The following CYB5R4 variants were observed in gnomAD, a reference collection of about 807,000 sequenced individuals.
CYB5R4 encodes the protein N-terminal cytochrome b5 and cytochrome b5 oxidoreductase domain-containing protein.
CYB5R4 carries 55 observed loss-of-function variants against 70.2 expected under a neutral mutation model. That is an observed-to-expected ratio of 0.78 (90% confidence interval 0.63 to 0.98). The LOEUF (loss-of-function observed/expected upper bound fraction) is 0.98, where lower values mean the gene tolerates loss of function less well. Among genes scored for constraint, CYB5R4 ranks in the 50% least tolerant of loss-of-function variants. CYB5R4 has a pLI of 0.00. For synonymous variants in CYB5R4, 197 were observed against 199.5 expected (o/e 0.99, Z 0.11); for missense variants, 562 against 612.6 (o/e 0.92, Z 0.87).
chr6:83,909,096 T>C lies in CYB5R4; in HGVS notation c.412+6T>C. 1 of 1,612,616 alleles carries C rather than the reference T, an allele frequency of 6.2e-7. No individual in the cohort carries two copies. Among genetic ancestry groups the C allele is most frequent in the South Asian group, 1.1e-5 (1 of 91,022 alleles). Reference sequence around the variant, plus strand: ...TAAACCTGCTGTTCTGAAAGGTAAGTGGTGCTGGTGCTAAACCAGCATGGA... The same window carrying C: ...TAAACCTGCTGTTCTGAAAGGTAAGCGGTGCTGGTGCTAAACCAGCATGGA... On this transcript the variant is annotated splice_donor_region_variant and intron_variant, in intron 4 of 15. Coordinates refer to ENST00000369681, the MANE Select transcript of CYB5R4 (RefSeq NM_016230.4).
chr6:83,893,160 A>G (rs1268507673), intron 2 of CYB5R4, among the ~76,000 whole-genome samples: 2 of 152,336 alleles, frequency 1.3e-5, no homozygotes, highest in Admixed American at 6.5e-5. Flanking sequence ...AATGCAGCGC[A>G]TTAAGTGTAC....
In CYB5R4 at chr6:83,934,703, G is replaced by A; in HGVS notation, c.923G>A (p.Gly308Glu). Reference sequence around the variant, plus strand: ...AGCACTCATCTTCAAGTGCCCATTGGGCAACATGTTTACCTCAAGCTACCT... The same window carrying A: ...AGCACTCATCTTCAAGTGCCCATTGAGCAACATGTTTACCTCAAGCTACCT... ...PPSTHLQVPIGQHVYLKLPIT... is the reference protein window; with the variant it reads ...PPSTHLQVPIEQHVYLKLPIT... Residue 308 changes from glycine to glutamate, a missense_variant, in exon 11 of 16, where the codon GGG becomes GAG. Coordinates refer to ENST00000369681, the MANE Select transcript of CYB5R4 (RefSeq NM_016230.4). 6.2e-7 allele frequency: 1 copy of A among 1,613,520 alleles called. No homozygotes were observed.
At chr6:83,859,915 G>T in intron 1 of CYB5R4, 58 bp downstream of exon 1, 2 of 1,495,902 alleles carry the variant, frequency 1.3e-6, no homozygotes, top group Non-Finnish European at 1.8e-6. Flanking sequence ...CTGGCAGTGT[G>T]TTCTCTTCTT....
At chr6:83,905,849 A>G (rs1361110865) in intron 3 of CYB5R4, among the ~76,000 whole-genome samples, 2 of 151,924 alleles carry the variant, frequency 1.3e-5, no homozygotes, top group Non-Finnish European at 2.9e-5. Context: ...GGAGGCTGTT[A>G]TGGGCTGCGC....
At chr6:83,870,227 A>G (rs896964879) in intron 2 of CYB5R4, among the ~76,000 whole-genome samples, 1 of 152,238 alleles carries the variant, frequency 6.6e-6, no homozygotes, top group African/African-American at 2.4e-5. Flanking sequence ...TGCAGCATAC[A>G]GGAACCCAAC....
rs2099473097 is a variant in CYB5R4 at position 83,960,139 on chromosome 6, A to G, written c.*261A>G. 1 of 295,178 alleles carries G rather than the reference A, an allele frequency of 3.4e-6. No homozygotes were observed. Among genetic ancestry groups the G allele is most frequent in the South Asian group, 6.9e-5 (1 of 14,494 alleles). The allele number at this position is 295,178 out of a possible 1,614,324, so 18.3% of individuals were successfully genotyped here. A position where few individuals can be genotyped will look rare whatever the true frequency, so the allele number is the denominator to read the frequency against. ...ACAGGATTCTTTGTTATGAATCACA[A>G]ATTTCCTTGCCATTTAAATTATATC... On this transcript the variant is annotated 3_prime_UTR_variant, in exon 16 of 16. Coordinates refer to ENST00000369681, the MANE Select transcript of CYB5R4 (RefSeq NM_016230.4).
chr6:83,866,685 G>T (rs2099456760), intron 2 of CYB5R4, among the ~76,000 whole-genome samples: 1 of 151,546 alleles, frequency 6.6e-6, no homozygotes, highest in South Asian at 2.1e-4. Context: ...GCTTGATCTT[G>T]GCTCACAGCA....
rs1334984129 is a variant in CYB5R4 at position 83,959,835 on chromosome 6, ATC to A, written c.1526_1527del (p.Leu509GlnfsTer6). 5.0e-6 allele frequency: 8 copies of A among 1,601,124 alleles called. No individual in the cohort carries two copies. Among genetic ancestry groups the A allele is most frequent in the Non-Finnish European group, 6.8e-6 (8 of 1,174,298 alleles). On this transcript the variant is annotated frameshift_variant, in exon 16 of 16. Transcript: ENST00000369681. LOFTEE classifies it high-confidence loss of function. ...TATTTGTTTTTCAGGTTGCTGCATG[ATC>A]TCAACTTTTCCAAAAATGAGATCCA...
rs1588574545 is a variant in CYB5R4 at position 83,914,328 on chromosome 6, T to A, written c.413-88T>A. The A allele has an allele frequency of 2.2e-6, 3 of 1,357,062 alleles. No homozygotes were observed. In the East Asian group the frequency reaches 8.2e-5, roughly 37 times the overall value. The allele number at this position is 1,357,062 out of a possible 1,614,324, so 84.1% of individuals were successfully genotyped here. On this transcript the variant is annotated intron_variant, in intron 4 of 15. Transcript: ENST00000369681. ...AGAAAGCCCTTCAAAAAAGAAGGGATGTTATCTTGAAATCAGTAATGTGGA... is the reference window on the plus strand; with the variant it reads ...AGAAAGCCCTTCAAAAAAGAAGGGAAGTTATCTTGAAATCAGTAATGTGGA...
chr6:83,894,438 TTTGATTTCTGTTC>T (rs1433636716), intron 3 of CYB5R4, among the ~76,000 whole-genome samples: 5 of 152,174 alleles, frequency 3.3e-5, no homozygotes, highest in Non-Finnish European at 7.4e-5. Flanking sequence ...TCAAATATAA[TTTGATTTCTGTTC>T]TTCCTATTTT....
In CYB5R4 at chr6:83,940,016, T is replaced by G. The variant is rs200045074; in HGVS notation, c.1109-40T>G. ...GCTGGGTTTTTTGTTTTGTTTTTTG[T>G]TTTTTTTTTTTCTGATTTAGCTTAT... On this transcript the variant is annotated intron_variant, in intron 12 of 15. Coordinates refer to ENST00000369681, the MANE Select transcript of CYB5R4 (RefSeq NM_016230.4). 2.0e-3 allele frequency: 1,847 copies of G among 941,682 alleles called. No individual in the cohort carries two copies. Among genetic ancestry groups the G allele is most frequent in the Non-Finnish European group, 2.6e-3 (1,761 of 682,572 alleles). 58.3% of individuals were successfully genotyped at this position (941,682 alleles called of 1,614,324 possible). A position where few individuals can be genotyped will look rare whatever the true frequency, so the allele number is the denominator to read the frequency against.
At chr6:83,939,996 GTT>G (rs1421944041) in intron 12 of CYB5R4, 58 bp from the exon 13 acceptor site, 1 of 1,325,144 alleles carries the variant, frequency 7.5e-7, no homozygotes, top group Non-Finnish European at 1.0e-6. Context: ...TCCCCGCTGG[GTT>G]TTTTGTTTTG....
chr6:83,942,099 A>G (rs1306218336), intron 14 of CYB5R4, among the ~76,000 whole-genome samples: 2 of 152,102 alleles, frequency 1.3e-5, no homozygotes, highest in East Asian at 3.9e-4. Flanking sequence ...CCCTATGTAC[A>G]TGTTTGTTTT....
At chr6:83,925,296 C>T (rs1344793893) in intron 10 of CYB5R4, among the ~76,000 whole-genome samples, 1 of 152,014 alleles carries the variant, frequency 6.6e-6, no homozygotes, top group African/African-American at 2.4e-5. Flanking sequence ...ACGAGAACAC[C>T]ACCAAGAGGG....
intron 4 of CYB5R4, chr6:83,910,345 C>T (rs1053938877): frequency 3.0e-5 from 17 of 558,442 alleles, no homozygotes; most frequent in Non-Finnish European, 4.5e-5. Flanking sequence ...AGAAGTAAGA[C>T]GGTTACTGGT....
intron 2 of CYB5R4, among the ~76,000 whole-genome samples, chr6:83,890,004 A>G (rs61762801): frequency 0.017 from 2,656 of 152,268 alleles, 34 homozygotes; most frequent in Non-Finnish European, 0.03. Flanking sequence ...GAGGATTACA[A>G]TTCAACATGA....
chr6:83,870,112 T>C (rs1424092780), intron 2 of CYB5R4, among the ~76,000 whole-genome samples: 1 of 152,202 alleles, frequency 6.6e-6, no homozygotes, highest in East Asian at 1.9e-4. Context: ...TAAACAAGTT[T>C]ATGTATTGAT....
chr6:83,889,882 A>G (rs930088404), intron 2 of CYB5R4, among the ~76,000 whole-genome samples: 2 of 152,104 alleles, frequency 1.3e-5, no homozygotes, highest in African/African-American at 4.8e-5. Flanking sequence ...TGGAGGTGCC[A>G]CACACTTTTA....
chr6:83,949,240 C>T (rs957161257), intron 14 of CYB5R4, among the ~76,000 whole-genome samples: 1 of 150,794 alleles, frequency 6.6e-6, no homozygotes, highest in Admixed American at 6.7e-5. Flanking sequence ...TGATGTAAAA[C>T]ATAGGAGAAC....
Sources: gnomAD v4.1 joint callset for allele counts (sites outside exome capture counted in the v4.1 genomes callset) on GRCh38, gnomAD v4.1.1 for gene constraint, MANE v1.5 for transcripts, NCBI Gene and HGNC (gene_info 2026-07-23, HGNC 2026-07-21) for gene names.